The following ZNF354C variants were observed in gnomAD, a reference collection of about 807,000 sequenced individuals.
The protein encoded by ZNF354C is KRAB-zinc finger protein synten.
In ZNF354C, 7 loss-of-function variants were observed where a neutral mutation model predicts 12.4. That is an observed-to-expected ratio of 0.56 (90% CI 0.32 to 1.06). The LOEUF (loss-of-function observed/expected upper bound fraction) is 1.06, where lower values mean the gene tolerates loss of function less well. Among genes scored for constraint, ZNF354C ranks in the 50% least tolerant of loss-of-function variants. The probability of loss-of-function intolerance (pLI) is 0.04; values close to 1 mark genes in which losing one functional copy is unlikely to be tolerated. For synonymous variants in ZNF354C, 202 were observed against 224.5 expected (o/e 0.90, Z 0.90); for missense variants, 609 against 658.0 (o/e 0.93, Z 0.81).
intron 1 of ZNF354C, 71 bp from the exon 2 acceptor site, chr5:179,061,944 C>A (rs995490772): frequency 1.8e-5 from 18 of 1,008,132 alleles, no homozygotes; most frequent in Non-Finnish European, 2.7e-5. Flanking sequence ...ACATTATGGG[C>A]GGTTGTAACT....
rs972230170 is a variant in ZNF354C, at chr5:179,082,952, C to T, written c.*2855C>T. On this transcript the variant is annotated 3_prime_UTR_variant, in exon 5 of 5. Transcript: ENST00000315475. ...CTCCTGCCTGGAGCTCAAGGCCATCCTCAACTTCTTTCATATGGAAAAAGA... is the reference window on the plus strand; with the variant it reads ...CTCCTGCCTGGAGCTCAAGGCCATCTTCAACTTCTTTCATATGGAAAAAGA... 91 of 850,430 alleles carry T rather than the reference C, an allele frequency of 1.1e-4. No homozygotes were observed. Among genetic ancestry groups the T allele is most frequent in the Middle Eastern group, 2.3e-4 (1 of 4,424 alleles). The allele number at this position is 850,430 out of a possible 1,614,324, so 52.7% of individuals were successfully genotyped here.
intron 2 of ZNF354C, among the ~76,000 whole-genome samples, chr5:179,064,424 CT>C (rs542005673): frequency 4.8e-5 from 7 of 145,304 alleles, no homozygotes; most frequent in South Asian, 2.2e-4. Context: ...TGTAACCCCC[CT>C]TTTTTTTTGG....
At chr5:179,077,256 C>G in intron 4 of ZNF354C, 90 bp downstream of exon 4, 1 of 1,024,334 alleles carries the variant, frequency 9.8e-7, no homozygotes, top group Non-Finnish European at 1.5e-6. Context: ...CTTGGAAATA[C>G]TGAGTCCTCT....
rs1231522805 is a variant in ZNF354C, at chr5:179,082,970, G to GA, written c.*2878dup. ...GGCCATCCTCAACTTCTTTCATATG[G>GA]AAAAAGAGCTTCTTGCTATCCCCTA... On this transcript the variant is annotated 3_prime_UTR_variant, in exon 5 of 5. Transcript: ENST00000315475. 2.5e-6 allele frequency: 2 copies of GA among 807,258 alleles called. No individual in the cohort carries two copies. The highest frequency in any genetic ancestry group is 4.3e-6 in the Non-Finnish European group (2 of 470,490). 50.0% of individuals were successfully genotyped at this position (807,258 alleles called of 1,614,324 possible). A position where few individuals can be genotyped will look rare whatever the true frequency, so the allele number is the denominator to read the frequency against.
At chr5:179,076,072 T>C (rs1173309909) in intron 2 of ZNF354C, among the ~76,000 whole-genome samples, 1 of 152,208 alleles carries the variant, frequency 6.6e-6, no homozygotes, top group East Asian at 1.9e-4. Flanking sequence ...CACCGTCTAG[T>C]GGTTCCCTGC....
intron 2 of ZNF354C, among the ~76,000 whole-genome samples, chr5:179,066,890 G>C (rs1761964177): frequency 6.6e-6 from 1 of 152,128 alleles, no homozygotes; most frequent in Admixed American, 6.5e-5. Flanking sequence ...GAGATGTGCT[G>C]CTAATTTTGG....
rs1561752070 is a variant in ZNF354C at position 179,079,152 on chromosome 5, T to C, written c.720T>C (p.Gly240=). The C allele has an allele frequency of 6.2e-7, 1 of 1,613,794 alleles. No individual in the cohort carries two copies. Among genetic ancestry groups the C allele is most frequent in the South Asian group, 1.1e-5 (1 of 91,076 alleles). The part of the protein sequence containing the change: ...HLIEHQRIHT[G]EKPYKCNECE... ...TTGAACATCAGAGAATTCATACAGGTGAGAAACCCTACAAATGTAATGAGT... is the reference window on the plus strand; with the variant it reads ...TTGAACATCAGAGAATTCATACAGGCGAGAAACCCTACAAATGTAATGAGT... Residue 240 remains glycine, a synonymous_variant, in exon 5 of 5, where the codon GGT becomes GGC. Coordinates refer to ENST00000315475, the MANE Select transcript of ZNF354C (RefSeq NM_014594.3). This position sits in a 1 kb window ranked among gnomAD's most constrained non-coding sequence, Gnocchi z 4.2.
rs780435925 is a variant in ZNF354C, at chr5:179,083,692, C to T, written c.*3595C>T. Among the ~76,000 whole-genome samples the T allele has an allele frequency of 6.6e-6, 1 of 152,186 alleles. No homozygotes were observed. Among genetic ancestry groups the T allele is most frequent in the Non-Finnish European group, 1.5e-5 (1 of 68,026 alleles). ...ATGGAATGAGCATGTTCCACTTTAT[C>T]TCTCATGCTAAATGTAACTAAGGCA... On this transcript the variant is annotated 3_prime_UTR_variant, in exon 5 of 5. Transcript: ENST00000315475.
rs150934676 is a variant in ZNF354C, at chr5:179,079,177, T to C, written c.745T>C (p.Cys249Arg). 3 of 1,613,636 alleles carry C rather than the reference T, an allele frequency of 1.9e-6. No homozygotes were observed. Among genetic ancestry groups the C allele is most frequent in the Admixed American group, 1.7e-5 (1 of 59,980 alleles). ...TGAGAAACCCTACAAATGTAATGAG[T>C]GTGAAAAAACCTTCAGCCACAGATC... is the stretch of plus-strand genomic sequence containing the variant. ...TGEKPYKCNE[C>R]EKTFSHRSSL... The change falls in exon 5 of 5, where the codon TGT (cysteine) becomes CGT (arginine). Residue 249 changes from cysteine to arginine, a missense_variant. By Grantham distance (180) the Cys-to-Arg change is radical. Transcript: ENST00000315475. This position sits in a 1 kb window ranked among gnomAD's most constrained non-coding sequence, Gnocchi z 4.2.
intron 2 of ZNF354C, among the ~76,000 whole-genome samples, chr5:179,068,167 T>TAAAAAAAAAAAAAA (rs142609516): frequency 6.7e-6 from 1 of 149,276 alleles, no homozygotes. Flanking sequence ...CCTGTCTGTT[T>TAAAAAAAAAAAAAA]AAAAAAAAAG....
chr5:179,078,628 A>C, intron 4 of ZNF354C, 55 bp from the exon 5 acceptor site: 2 of 1,410,726 alleles, frequency 1.4e-6, no homozygotes, highest in Non-Finnish European at 1.9e-6. Flanking sequence ...TCTCACCGAT[A>C]CATCAGTTTG....
At chr5:179,069,645 C>T (rs956958021) in intron 2 of ZNF354C, among the ~76,000 whole-genome samples, 1 of 150,818 alleles carries the variant, frequency 6.6e-6, no homozygotes, top group African/African-American at 2.4e-5. Flanking sequence ...GCGGGTGGCT[C>T]ACGAGATCAG....
intron 4 of ZNF354C, among the ~76,000 whole-genome samples, chr5:179,077,616 A>T (rs1269846726): frequency 6.6e-6 from 1 of 152,198 alleles, no homozygotes; most frequent in Non-Finnish European, 1.5e-5. Context: ...TAAAAAGAGG[A>T]AAATAAAAAG....
chr5:179,061,986 G>C, intron 1 of ZNF354C, 29 bp from the exon 2 acceptor site: 1 of 1,493,068 alleles, frequency 6.7e-7, no homozygotes, highest in Non-Finnish European at 9.3e-7. Context: ...TGACGCCAGG[G>C]TTCCTCTTGA....
In ZNF354C at chr5:179,082,899, T is replaced by A. The variant is rs1300992740; in HGVS notation, c.*2802T>A. The A allele has an allele frequency of 2.2e-5, 22 of 1,013,586 alleles. No homozygotes were observed. Among genetic ancestry groups the A allele is most frequent in the Non-Finnish European group, 2.8e-5 (18 of 637,204 alleles). The allele number at this position is 1,013,586 out of a possible 1,614,324, so 62.8% of individuals were successfully genotyped here. On this transcript the variant is annotated 3_prime_UTR_variant, in exon 5 of 5. Transcript: ENST00000315475. ...GGCACTGCACTTGCCAGTGCGCTGA[T>A]GAAGAATCACGGAGAACTCCACCTC...
At chr5:179,075,791 C>T (rs940383411) in intron 2 of ZNF354C, among the ~76,000 whole-genome samples, 7 of 152,188 alleles carry the variant, frequency 4.6e-5, no homozygotes, top group South Asian at 2.1e-4. Context: ...GGCTGCATGA[C>T]GTTTCATGGA....
intron 3 of ZNF354C, among the ~76,000 whole-genome samples, chr5:179,076,784 C>T (rs1407362765): frequency 6.6e-6 from 1 of 152,244 alleles, no homozygotes; most frequent in South Asian, 2.1e-4. Context: ...CCAATCAGTT[C>T]CCTCCTTGGA....
Position 179,079,053 on chromosome 5 carries a change from C to A in ZNF354C, c.621C>A (p.Phe207Leu), listed in dbSNP as rs1402051123. 4 of 1,613,190 alleles carry A rather than the reference C, an allele frequency of 2.5e-6. No homozygotes were observed. The South Asian group carries it at 4.4e-5, about 18-fold the overall frequency. ...AGAATTTTGATCTCATGAAATGCTT[C>A]CAGATTTACCCAGGAGGAAAACCTC... ...FKQNFDLMKC[F>L]QIYPGGKPHI... The change falls in exon 5 of 5, where the codon TTC becomes TTA. Residue 207 changes from phenylalanine to leucine, a missense_variant. Phe to Leu is a conservative substitution (Grantham distance 22, BLOSUM62 0). Transcript: ENST00000315475. The surrounding 1 kb of genome is among the most constrained non-coding windows in gnomAD (Gnocchi z 4.2).
intron 2 of ZNF354C, 80 bp from the exon 3 acceptor site, chr5:179,076,365 C>T (rs1211069979): frequency 4.4e-6 from 7 of 1,589,010 alleles, no homozygotes; most frequent in Non-Finnish European, 6.0e-6. Flanking sequence ...ATTTTCTGTA[C>T]ATCCCACTGT....
Sources: allele counts gnomAD v4.1 joint callset (sites outside exome capture counted in the v4.1 genomes callset), GRCh38; gene constraint gnomAD v4.1.1; non-coding constraint Gnocchi (gnomAD v3.1); transcripts MANE v1.5; gene names NCBI Gene and HGNC (gene_info 2026-07-23, HGNC 2026-07-21).